The following KCNJ6 variants were observed in gnomAD, a reference collection of about 807,000 sequenced individuals.
KCNJ6 encodes potassium inwardly rectifying channel subfamily J member 6.
Under a neutral mutation model 34.2 loss-of-function variants are expected in KCNJ6, and 9 were observed. That is an observed-to-expected ratio of 0.26 (90% confidence interval 0.16 to 0.46). KCNJ6 has a LOEUF of 0.46. Ranked by LOEUF, KCNJ6 falls within the 20% of genes least tolerant of loss-of-function variation. KCNJ6 has a pLI of 1.00. For synonymous variants in KCNJ6, 196 were observed against 207.1 expected (o/e 0.95, Z 0.46); for missense variants, 236 against 531.3 (o/e 0.44, Z 5.46).
intron 1 of KCNJ6, among the ~76,000 whole-genome samples, chr21:37,905,756 G>A (rs3787868): frequency 0.075 from 11,424 of 152,246 alleles, 452 homozygotes; most frequent in African/African-American, 0.081. Flanking sequence ...GGGAACTGAA[G>A]TCAGGGCATT....
intron 2 of KCNJ6, among the ~76,000 whole-genome samples, chr21:37,750,013 G>A (rs2054987220): frequency 6.6e-6 from 1 of 152,054 alleles, no homozygotes; most frequent in Non-Finnish European, 1.5e-5. Context: ...TTATCTGCAG[G>A]ATAAAACATT....
intron 2 of KCNJ6, among the ~76,000 whole-genome samples, chr21:37,823,491 G>T (rs1328446426): frequency 6.6e-6 from 1 of 152,158 alleles, no homozygotes; most frequent in East Asian, 1.9e-4. Context: ...GGGACCTGGT[G>T]GGAGGTGATT....
intron 3 of KCNJ6, among the ~76,000 whole-genome samples, chr21:37,665,294 T>C (rs529940979): frequency 6.6e-6 from 1 of 152,306 alleles, no homozygotes; most frequent in African/African-American, 2.4e-5. Context: ...TTATTGATGG[T>C]TCCCAAGAGA....
chr21:37,821,880 G>C (rs1446477768), intron 2 of KCNJ6, among the ~76,000 whole-genome samples: 1 of 152,142 alleles, frequency 6.6e-6, no homozygotes, highest in Non-Finnish European at 1.5e-5. Flanking sequence ...TCCTGTAATG[G>C]TTTTGGATTA....
rs1556008833 is a variant in KCNJ6, at chr21:37,617,048, C to CTTTTCTTTTCT, written c.*8110_*8111insAGAAAAGAAAA. The CTTTTCTTTTCT allele has an allele frequency of 1.4e-5, 1 of 70,134 alleles. No homozygotes were observed. Among genetic ancestry groups the CTTTTCTTTTCT allele is most frequent in the African/African-American group, 5.1e-5 (1 of 19,654 alleles). 4.3% of individuals were successfully genotyped at this position (70,134 alleles called of 1,614,324 possible). A position where few individuals can be genotyped will look rare whatever the true frequency, so the allele number is the denominator to read the frequency against. Reference sequence around the variant, plus strand: ...TCTTTCTTTCTTTCTTTCTTTCTTTCTTTCTTTTCTTTTCTTTTCTTTTCT... The same window carrying CTTTTCTTTTCT: ...TCTTTCTTTCTTTCTTTCTTTCTTTCTTTTCTTTTCTTTTCTTTTCTTTTCTTTTCTTTTCT... On this transcript the variant is annotated 3_prime_UTR_variant, in exon 4 of 4. Coordinates refer to ENST00000609713, the MANE Select transcript of KCNJ6 (RefSeq NM_002240.5).
chr21:37,807,692 T>C (rs981889922), intron 2 of KCNJ6, among the ~76,000 whole-genome samples: 7 of 152,204 alleles, frequency 4.6e-5, no homozygotes, highest in African/African-American at 9.7e-5. Context: ...GGCTATGCCA[T>C]CTAGGTTTGT....
intron 1 of KCNJ6, among the ~76,000 whole-genome samples, chr21:37,860,437 C>T (rs1358757958): frequency 1.3e-5 from 2 of 152,222 alleles, no homozygotes; most frequent in African/African-American, 2.4e-5. Context: ...TCCTCTTGGG[C>T]CTCCTGTGGT....
At chr21:37,775,564 C>T (rs1294080015) in intron 2 of KCNJ6, among the ~76,000 whole-genome samples, 9 of 152,322 alleles carry the variant, frequency 5.9e-5, no homozygotes, top group African/African-American at 1.9e-4. Flanking sequence ...CAGCTTTCTA[C>T]ATATGGCTAG....
chr21:37,722,665 T>G (rs1283197941), intron 2 of KCNJ6, among the ~76,000 whole-genome samples: 10 of 152,260 alleles, frequency 6.6e-5, no homozygotes, highest in Non-Finnish European at 1.3e-4. Context: ...TTGACAAGGT[T>G]GACAAAAATA....
chr21:37,607,482 A>ATATATTT lies in KCNJ6; in HGVS notation c.*17676_*17677insAAATATA. On this transcript the variant is annotated 3_prime_UTR_variant, in exon 4 of 4. Coordinates refer to ENST00000609713, the MANE Select transcript of KCNJ6 (RefSeq NM_002240.5). The stretch of plus-strand genomic sequence containing the variant: ...CTTAAAGATATATATATATATATAT[A>ATATATTT]TTTTTTTTTTATTTTAAAAAAATTT... 15 of 136,762 alleles carry ATATATTT rather than the reference A, an allele frequency of 1.1e-4. No individual in the cohort carries two copies. The South Asian group carries it at 1.2e-3, about 11-fold the overall frequency. 8.5% of individuals were successfully genotyped at this position (136,762 alleles called of 1,614,324 possible). A position where few individuals can be genotyped will look rare whatever the true frequency, so the allele number is the denominator to read the frequency against.
intron 1 of KCNJ6, among the ~76,000 whole-genome samples, chr21:37,882,143 G>A (rs563194385): frequency 6.6e-6 from 1 of 152,274 alleles, no homozygotes; most frequent in East Asian, 1.9e-4. Context: ...TTTTATGTGG[G>A]TTCACTCCAT....
intron 1 of KCNJ6, among the ~76,000 whole-genome samples, chr21:37,886,655 G>A (rs2055736950): frequency 6.6e-6 from 1 of 152,178 alleles, no homozygotes; most frequent in Non-Finnish European, 1.5e-5. Context: ...GCTGAAGGAA[G>A]CTGAAATTGA....
At chr21:37,772,400 T>G (rs2055121997) in intron 2 of KCNJ6, among the ~76,000 whole-genome samples, 1 of 152,094 alleles carries the variant, frequency 6.6e-6, no homozygotes, top group African/African-American at 2.4e-5. Context: ...CAGTAGAAAT[T>G]TAACCATTTG....
At chr21:37,790,260 C>T (rs1182350627) in intron 2 of KCNJ6, among the ~76,000 whole-genome samples, 1 of 152,154 alleles carries the variant, frequency 6.6e-6, no homozygotes, top group Non-Finnish European at 1.5e-5. Flanking sequence ...TCAGCTTTGG[C>T]TGCATCAAGG....
At chr21:37,844,064 ATT>A (rs3061052) in intron 1 of KCNJ6, among the ~76,000 whole-genome samples, 1 of 143,588 alleles carries the variant, frequency 7.0e-6, no homozygotes, top group African/African-American at 2.6e-5. Context: ...GATATTTTGC[ATT>A]TTTTTTTTTT....
chr21:37,790,444 A>G (rs2055211658), intron 2 of KCNJ6, among the ~76,000 whole-genome samples: 2 of 152,192 alleles, frequency 1.3e-5, no homozygotes, highest in South Asian at 2.1e-4. Context: ...AATACTTCCC[A>G]TGAATTGTCT....
At chr21:37,667,479 G>A (rs191820963) in intron 3 of KCNJ6, among the ~76,000 whole-genome samples, 189 of 152,120 alleles carry the variant, frequency 1.2e-3, no homozygotes, top group African/African-American at 3.3e-3. Flanking sequence ...AGTAGGCGCC[G>A]GGGTAGCGGG....
chr21:37,889,395 G>A (rs2055750999), intron 1 of KCNJ6, among the ~76,000 whole-genome samples: 1 of 151,980 alleles, frequency 6.6e-6, no homozygotes, highest in African/African-American at 2.4e-5. Context: ...GCATTCCTTG[G>A]TGCAGGCTTT....
intron 2 of KCNJ6, among the ~76,000 whole-genome samples, chr21:37,736,780 G>T (rs2054915353): frequency 6.6e-6 from 1 of 152,180 alleles, no homozygotes; most frequent in African/African-American, 2.4e-5. Flanking sequence ...TGACAACCAT[G>T]CTTGAGGCCA....
Sources: allele counts gnomAD v4.1 joint callset (sites outside exome capture counted in the v4.1 genomes callset), GRCh38; gene constraint gnomAD v4.1.1; transcripts MANE v1.5; gene names NCBI Gene and HGNC (gene_info 2026-07-23, HGNC 2026-07-21).